Variants in HOXA10 observed in about 807,000 individuals in gnomAD.
HOXA10 encodes homeobox protein Hox-A10.
A neutral mutation model predicts 29.7 loss-of-function variants in HOXA10; 12 were observed. That is an observed-to-expected ratio of 0.40 (90% CI 0.26 to 0.65). The LOEUF (loss-of-function observed/expected upper bound fraction) is 0.65. HOXA10 is among the 30% of genes least tolerant of loss of function. HOXA10 has a pLI of 0.37. For synonymous variants in HOXA10, 327 were observed against 280.7 expected, an observed-to-expected ratio of 1.16 and a Z score of -1.65; for missense variants, 656 against 585.9, an observed-to-expected ratio of 1.12 and a Z score of -1.24.
At chr7:27,175,387 C>G (rs1056575399), upstream of HOXA10, among the ~76,000 whole-genome samples, 1 of 152,250 alleles carries the variant, frequency 6.6e-6, no homozygotes, top group African/African-American at 2.4e-5. Context: ...ACTCCTACCT[C>G]TCTGTCCCCT....
upstream of HOXA10, among the ~76,000 whole-genome samples, chr7:27,176,144 G>A (rs1013566439): frequency 2.6e-5 from 4 of 152,246 alleles, no homozygotes; most frequent in Non-Finnish European, 5.9e-5. Flanking sequence ...GAGAAAAAGA[G>A]AGAGATAGAA....
chr7:27,175,529 G>C (rs1783638433), upstream of HOXA10, among the ~76,000 whole-genome samples: 1 of 152,356 alleles, frequency 6.6e-6, no homozygotes, highest in Middle Eastern at 3.4e-3. Context: ...CCTGTTATAA[G>C]AGCATGTGGA....
intron 1 of HOXA10, chr7:27,172,639 A>G (rs1398353337): frequency 4.9e-6 from 1 of 203,404 alleles, no homozygotes; most frequent in Non-Finnish European, 1.0e-5. Flanking sequence ...GGGGAGAAAG[A>G]AGGGCATCAT....
rs763886371 is a variant in HOXA10, at chr7:27,174,159, C to A, written c.148G>T (p.Gly50Trp). 6.3e-7 allele frequency: 1 copy of A among 1,596,254 alleles called. No homozygotes were observed. The highest frequency in any genetic ancestry group is 1.1e-5 in the South Asian group (1 of 90,170). ...TAGTAACCGCCACCGCCGCCGCCCCCCGCGCCACCACCACCGCCGCCTGCC... is the reference window on the plus strand; with the variant it reads ...TAGTAACCGCCACCGCCGCCGCCCCACGCGCCACCACCACCGCCGCCTGCC... Reference protein sequence around the residue: ...GEAGGGGGGAGGGGGGGYYAH... With the variant: ...GEAGGGGGGAWGGGGGGYYAH... The change falls in exon 1 of 2, where the codon GGG becomes TGG. Residue 50 changes from glycine to tryptophan, a missense_variant. Coordinates refer to ENST00000283921, the MANE Select transcript of HOXA10 (RefSeq NM_018951.4).
Position 27,170,916 on chromosome 7 carries a change from C to A in HOXA10, c.*983G>T. On this transcript the variant is annotated 3_prime_UTR_variant, in exon 2 of 2. Coordinates refer to ENST00000283921, the MANE Select transcript of HOXA10 (RefSeq NM_018951.4). ...TCCCTTCTCTAGTTTATTCCGCTTA[C>A]CCCAGTCCTCCTAGGCTTCTGTGAA... The A allele has an allele frequency of 2.2e-6, 1 of 454,446 alleles. No homozygotes were observed. The highest frequency in any genetic ancestry group is 4.4e-6 in the Non-Finnish European group (1 of 226,778). The allele number at this position is 454,446 out of a possible 1,614,324, so 28.2% of individuals were successfully genotyped here. A position where few individuals can be genotyped will look rare whatever the true frequency, so the allele number is the denominator to read the frequency against.
At position 27,170,944 on chromosome 7, in the gene HOXA10, T is replaced by G. The variant is rs1471846769; in HGVS notation, c.*955A>C. ...CAGTCCTCCTAGGCTTCTGTGAATT[T>G]CAGAAAGCAAAAACAAACAAAAAAA... On this transcript the variant is annotated 3_prime_UTR_variant, in exon 2 of 2. Transcript: ENST00000283921. The G allele has an allele frequency of 2.2e-6, 1 of 451,510 alleles. No homozygotes were observed. The highest frequency in any genetic ancestry group is 4.4e-6 in the Non-Finnish European group (1 of 226,144). 28.0% of individuals were successfully genotyped at this position (451,510 alleles called of 1,614,324 possible). A position where few individuals can be genotyped will look rare whatever the true frequency, so the allele number is the denominator to read the frequency against.
chr7:27,171,961 G>T lies in HOXA10; in HGVS notation c.1171C>A (p.Leu391Met), dbSNP rs762058438. The T allele has an allele frequency of 4.1e-5, 66 of 1,614,076 alleles. No homozygotes were observed. Among genetic ancestry groups the T allele is most frequent in the Non-Finnish European group, 5.2e-5 (61 of 1,180,034 alleles). The change falls in exon 2 of 2, where the codon CTG (leucine) becomes ATG (methionine). Residue 391 changes from leucine (L) to methionine (M), a missense_variant. Leu to Met is a conservative substitution (Grantham distance 15). Coordinates refer to ENST00000283921, the MANE Select transcript of HOXA10 (RefSeq NM_018951.4). The part of the protein sequence containing the change: ...KIWFQNRRMK[L>M]KKMNRENRIR... ...CGGTTTTCTCGATTCATTTTCTTCA[G>T]TTTCATCCTGCGGTTCTGAAACCAG...
chr7:27,175,365 C>A (rs1413691018), upstream of HOXA10, among the ~76,000 whole-genome samples: 1 of 152,204 alleles, frequency 6.6e-6, no homozygotes, highest in East Asian at 1.9e-4. Flanking sequence ...CAACAAGAAC[C>A]AGTGTCACTA....
upstream of HOXA10, among the ~76,000 whole-genome samples, chr7:27,179,195 A>T (rs558552260): frequency 8.5e-5 from 13 of 152,322 alleles, no homozygotes; most frequent in East Asian, 2.5e-3. Context: ...ACCTAGTAGG[A>T]AACCAGTGAC....
At chr7:27,179,516 A>G in intron 1 of HOXA10, 1 of 701,670 alleles carries the variant, frequency 1.4e-6, no homozygotes, top group Non-Finnish European at 2.7e-6. Context: ...CTTAGGGAGC[A>G]ATGGGGTGGG....
chr7:27,176,714 A>G (rs920930773), upstream of HOXA10, among the ~76,000 whole-genome samples: 1 of 152,246 alleles, frequency 6.6e-6, no homozygotes, highest in African/African-American at 2.4e-5. Flanking sequence ...GCAGAAAGCA[A>G]CTTCCCAGGC....
upstream of HOXA10, among the ~76,000 whole-genome samples, chr7:27,179,270 G>T (rs908270380): frequency 3.4e-5 from 5 of 148,142 alleles, no homozygotes; most frequent in Non-Finnish European, 6.0e-5. Flanking sequence ...CCACCCCATT[G>T]TTTAGAATGG....
At position 27,174,293 on chromosome 7, in the gene HOXA10, T is replaced by C. The variant is rs1583434893; in HGVS notation, c.14A>G (p.Lys5Arg). 1.3e-6 allele frequency: 2 copies of C among 1,598,302 alleles called. No individual in the cohort carries two copies. Among genetic ancestry groups the C allele is most frequent in the Non-Finnish European group, 1.7e-6 (2 of 1,179,750 alleles). The part of the protein sequence containing the change: MSAR[K>R]GYLLPSPNYP... ...ATTTGGCGAAGGGAGCAGATAGCCC[T>C]TTCTGGCTGACATTTCTTGTGCAAA... Residue 5 changes from lysine (K) to arginine (R), a missense_variant, in exon 1 of 2, where the codon AAG becomes AGG. Physicochemically the swap from Lys to Arg is conservative, Grantham distance 26. Coordinates refer to ENST00000283921, the MANE Select transcript of HOXA10 (RefSeq NM_018951.4).
In HOXA10 at chr7:27,172,181, G is replaced by T; in HGVS notation, c.959-8C>A. The stretch of plus-strand genomic sequence containing the variant: ...TTTCACCTTTGGAATTGCCTGGCAT[G>T]TAAGAGAATAAAGAGGGGATGATTA... On this transcript the variant is annotated splice_region_variant and splice_polypyrimidine_tract_variant and intron_variant, in intron 1 of 1. Coordinates refer to ENST00000283921, the MANE Select transcript of HOXA10 (RefSeq NM_018951.4). The T allele has an allele frequency of 6.2e-7, 1 of 1,613,612 alleles. No individual in the cohort carries two copies. The highest frequency in any genetic ancestry group is 2.2e-5 in the East Asian group (1 of 44,884).
rs760444943 is a variant in HOXA10 at position 27,171,989 on chromosome 7, T to C, written c.1143A>G (p.Lys381=). ...TCATCCTGCGGTTCTGAAACCAGAT[T>C]TTCACTTGTCTGTCCGTGAGGTGGA... The part of the protein sequence containing the change: ...RSVHLTDRQV[K]IWFQNRRMKL... Residue 381 remains lysine (K), a synonymous_variant, in exon 2 of 2, where the codon AAA becomes AAG. Transcript: ENST00000283921. 2.5e-5 allele frequency: 41 copies of C among 1,614,092 alleles called. No individual in the cohort carries two copies. In the Admixed American group the frequency reaches 6.8e-4, roughly 27 times the overall value.
chr7:27,176,023 C>A (rs1783649943), upstream of HOXA10, among the ~76,000 whole-genome samples: 1 of 152,222 alleles, frequency 6.6e-6, no homozygotes, highest in Non-Finnish European at 1.5e-5. Flanking sequence ...GAGCTCCGGG[C>A]CCAGAAGGCC....
chr7:27,173,517 CCGCA>C lies in HOXA10; in HGVS notation c.786_789del (p.Asp262GlufsTer105), dbSNP rs1783565859. ...GAATCGAGGGCTCGCTCCTTCCGGG[CCGCA>C]TCGGCCGAGCCGGAGGCTAGCGCGG... On this transcript the variant is annotated frameshift_variant, in exon 1 of 2. Coordinates refer to ENST00000283921, the MANE Select transcript of HOXA10 (RefSeq NM_018951.4). LOFTEE classifies it high-confidence loss of function. The C allele has an allele frequency of 4.1e-6, 6 of 1,464,932 alleles. No homozygotes were observed. The highest frequency in any genetic ancestry group is 5.4e-6 in the Non-Finnish European group (6 of 1,117,492). 90.7% of individuals were successfully genotyped at this position (1,464,932 alleles called of 1,614,324 possible).
upstream of HOXA10, among the ~76,000 whole-genome samples, chr7:27,179,037 G>C (rs1471186237): frequency 6.6e-6 from 1 of 152,148 alleles, no homozygotes; most frequent in African/African-American, 2.4e-5. Context: ...AAATTGCTGC[G>C]AAATTGCAGC....
At chr7:27,178,275 A>G (rs1041391761), upstream of HOXA10, among the ~76,000 whole-genome samples, 5 of 152,236 alleles carry the variant, frequency 3.3e-5, no homozygotes, top group Non-Finnish European at 5.9e-5. Flanking sequence ...TCTCATATCC[A>G]TGCATTTATG....
Sources: gnomAD v4.1 joint callset for allele counts (sites outside exome capture counted in the v4.1 genomes callset) on GRCh38, gnomAD v4.1.1 for gene constraint, MANE v1.5 for transcripts, NCBI Gene and HGNC (gene_info 2026-07-23, HGNC 2026-07-21) for gene names.